Variants in MYO1B observed in about 807,000 individuals in gnomAD.
MYO1B encodes unconventional myosin-Ib.
In MYO1B, 72 loss-of-function variants were observed where a neutral mutation model predicts 159.7. The ratio of observed to expected loss-of-function variants is 0.45; its 90% CI spans 0.37 to 0.55. The LOEUF is 0.55. Ranked by LOEUF, MYO1B falls within the 20% of genes least tolerant of loss-of-function variation. The pLI is 0.00. For synonymous variants in MYO1B, 468 were observed against 473.8 expected (o/e 0.99, Z 0.16); for missense variants, 1,062 against 1,364.8 (o/e 0.78, Z 3.50).
At chr2:191,344,751 A>C (rs1574473897) in intron 5 of MYO1B, among the ~76,000 whole-genome samples, 5 of 142,798 alleles carry the variant, frequency 3.5e-5, no homozygotes, top group Non-Finnish European at 7.5e-5. Context: ...AATGGCGTGA[A>C]CCCGGGAGGC....
At chr2:191,380,004 T>G (rs1435024606) in intron 13 of MYO1B, among the ~76,000 whole-genome samples, 1 of 152,224 alleles carries the variant, frequency 6.6e-6, no homozygotes, top group Non-Finnish European at 1.5e-5. Flanking sequence ...AATGTTTGCC[T>G]TTTAGTAAGA....
At chr2:191,415,966 C>A in intron 29 of MYO1B, 149 bp from the exon 30 acceptor site, 1 of 943,880 alleles carries the variant, frequency 1.1e-6, no homozygotes, top group Non-Finnish European at 1.6e-6. Flanking sequence ...GGAAGAAACA[C>A]TGCTTTTGTC....
At chr2:191,245,767 C>G (rs1281072122) in intron 1 of MYO1B, 141 bp downstream of exon 1, 3 of 152,070 alleles carry the variant, frequency 2.0e-5, no homozygotes, top group Non-Finnish European at 2.9e-5. Context: ...CGGGCTCTGC[C>G]GCTCTCTTGG....
At chr2:191,394,449 TG>T (rs1695943334) in intron 20 of MYO1B, among the ~76,000 whole-genome samples, 2 of 152,272 alleles carry the variant, frequency 1.3e-5, no homozygotes, top group Admixed American at 6.5e-5. Flanking sequence ...ACAAGTGTGC[TG>T]GATTCATCTG....
intron 7 of MYO1B, among the ~76,000 whole-genome samples, chr2:191,359,904 A>G (rs1320647403): frequency 6.6e-6 from 1 of 152,140 alleles, no homozygotes; most frequent in Non-Finnish European, 1.5e-5. Flanking sequence ...CTCCTTTCCC[A>G]TTTGAAAATT....
chr2:191,334,516 TG>T (rs1444394205), intron 4 of MYO1B, among the ~76,000 whole-genome samples: 1 of 152,226 alleles, frequency 6.6e-6, no homozygotes, highest in Non-Finnish European at 1.5e-5. Flanking sequence ...AGTTTTCTCT[TG>T]TTATTTTTCT....
chr2:191,416,349 T>C lies in MYO1B; in HGVS notation c.3287+107T>C, dbSNP rs1342413376. 41 of 1,342,834 alleles carry C rather than the reference T, an allele frequency of 3.1e-5. 1 individual carries two copies. The highest frequency in any genetic ancestry group is 1.5e-5 in the Non-Finnish European group (14 of 949,452). 83.2% of individuals were successfully genotyped at this position (1,342,834 alleles called of 1,614,324 possible). A position where few individuals can be genotyped will look rare whatever the true frequency, so the allele number is the denominator to read the frequency against. ...ACAACTACTTATTAAGTACCAGGTATGTGTCTAGTAGTTGTTCCACATGAT... is the reference window on the plus strand; with the variant it reads ...ACAACTACTTATTAAGTACCAGGTACGTGTCTAGTAGTTGTTCCACATGAT... On this transcript the variant is annotated intron_variant, in intron 30 of 30. Transcript: ENST00000392318.
intron 11 of MYO1B, among the ~76,000 whole-genome samples, chr2:191,365,937 C>T (rs974812450): frequency 1.3e-5 from 2 of 152,198 alleles, no homozygotes; most frequent in African/African-American, 2.4e-5. Context: ...GGTGGACTGA[C>T]TGACTAAACA....
intron 4 of MYO1B, among the ~76,000 whole-genome samples, chr2:191,331,746 C>CT (rs1165605468): frequency 6.6e-6 from 1 of 152,168 alleles, no homozygotes; most frequent in African/African-American, 2.4e-5. Flanking sequence ...ATGCACGTAC[C>CT]TATACATCCA....
chr2:191,411,462 G>T (rs1697243908), intron 27 of MYO1B, among the ~76,000 whole-genome samples: 1 of 152,184 alleles, frequency 6.6e-6, no homozygotes, highest in African/African-American at 2.4e-5. Flanking sequence ...AGGCTGTTAA[G>T]ATACGTTTGC....
At chr2:191,365,513 C>T (rs973901171) in intron 11 of MYO1B, among the ~76,000 whole-genome samples, 3 of 152,188 alleles carry the variant, frequency 2.0e-5, no homozygotes, top group South Asian at 4.1e-4. Flanking sequence ...TAGCCATTGC[C>T]TGTCCTTCCT....
chr2:191,401,550 T>C (rs1696617516), intron 23 of MYO1B: 1 of 152,226 alleles, frequency 6.6e-6, no homozygotes, highest in Non-Finnish European at 1.5e-5. Flanking sequence ...TTTTTAGATG[T>C]TTTTGTTACT....
In MYO1B at chr2:191,263,156, C is replaced by T. The variant is rs367615973; in HGVS notation, c.-9-13731C>T. 137 of 168,816 alleles carry T rather than the reference C, an allele frequency of 8.1e-4. 1 individual carries two copies. In the East Asian group the frequency reaches 0.013, roughly 16 times the overall value. The allele number at this position is 168,816 out of a possible 1,614,324, so 10.5% of individuals were successfully genotyped here. On this transcript the variant is annotated intron_variant, in intron 1 of 30. Transcript: ENST00000392318. Reference sequence around the variant, plus strand: ...CCAGCATGTATCCATGATGGACTCTCGATCAACTTTATATGATTAACTCAT... The same window carrying T: ...CCAGCATGTATCCATGATGGACTCTTGATCAACTTTATATGATTAACTCAT...
intron 5 of MYO1B, among the ~76,000 whole-genome samples, chr2:191,345,224 CCCA>C (rs1389223337): frequency 6.6e-6 from 1 of 152,162 alleles, no homozygotes; most frequent in East Asian, 1.9e-4. Context: ...TCTTCCCAGA[CCCA>C]TTGAACCTGA....
intron 2 of MYO1B, among the ~76,000 whole-genome samples, chr2:191,291,273 A>G (rs1187299113): frequency 6.6e-6 from 1 of 152,196 alleles, no homozygotes; most frequent in South Asian, 2.1e-4. Context: ...TTTACAAGAC[A>G]TCTGTTTTGG....
chr2:191,329,749 A>G (rs894485559), intron 3 of MYO1B, among the ~76,000 whole-genome samples, 186 bp from the exon 4 acceptor site: 1 of 151,676 alleles, frequency 6.6e-6, no homozygotes, highest in Non-Finnish European at 1.5e-5. Context: ...ACATGGAAGA[A>G]GGTAACGTGT....
chr2:191,383,473 TACACACAC>T (rs10534073), intron 15 of MYO1B, 131 bp downstream of exon 15: 82,966 of 119,566 alleles, frequency 0.69, 31,142 homozygotes, highest in Non-Finnish European at 0.81. Context: ...TATATATATA[TACACACAC>T]ACATATATAT....
chr2:191,328,437 C>T (rs902165374), intron 3 of MYO1B, among the ~76,000 whole-genome samples: 4 of 152,138 alleles, frequency 2.6e-5, no homozygotes, highest in South Asian at 2.1e-4. Context: ...GTGCTTTATC[C>T]CAGTGGTCAG....
chr2:191,393,165 C>T lies in MYO1B; in HGVS notation c.2169C>T (p.His723=), dbSNP rs148788532. ...KIYRGWKCRT[H]FLLMKKSQIV... ...ATCGGGGGTGGAAATGCCGCACACA[C>T]TTCCTGCTAATGAAAAAAAGCCAAA... The change falls in exon 20 of 31, where the codon CAC becomes CAT. Residue 723 remains histidine, a synonymous_variant. Transcript: ENST00000392318. 5.9e-4 allele frequency: 952 copies of T among 1,614,076 alleles called. 2 individuals carry two copies. The Middle Eastern group carries it at 7.9e-3, about 13-fold the overall frequency.
Sources: gnomAD v4.1 joint callset for allele counts (sites outside exome capture counted in the v4.1 genomes callset) on GRCh38, gnomAD v4.1.1 for gene constraint, MANE v1.5 for transcripts, NCBI Gene and HGNC (gene_info 2026-07-23, HGNC 2026-07-21) for gene names.